The following CNTNAP5 variants were observed in gnomAD, a reference collection of about 807,000 sequenced individuals.
CNTNAP5 encodes contactin associated protein family member 5, also known as contactin-associated protein-like 5.
Under a neutral mutation model 150.2 loss-of-function variants are expected in CNTNAP5, and 72 were observed. That is an observed-to-expected ratio of 0.48 (90% confidence interval 0.40 to 0.58). The LOEUF (loss-of-function observed/expected upper bound fraction) is 0.58. CNTNAP5 is among the 20% of genes least tolerant of loss of function. The pLI is 0.00. For synonymous variants in CNTNAP5, 672 were observed against 619.8 expected (o/e 1.08, Z -1.25); for missense variants, 1,636 against 1,626.2 (o/e 1.01, Z -0.10).
At chr2:124,365,324 GAA>G (rs779922592) in intron 3 of CNTNAP5, among the ~76,000 whole-genome samples, 2 of 123,452 alleles carry the variant, frequency 1.6e-5, no homozygotes, top group African/African-American at 3.1e-5. Context: ...CCAAAAAAAG[GAA>G]AAAAAAAAAA....
intron 17 of CNTNAP5, among the ~76,000 whole-genome samples, chr2:124,782,558 T>C (rs1004572912): frequency 1.3e-5 from 2 of 152,206 alleles, no homozygotes; most frequent in African/African-American, 4.8e-5. Context: ...TTCCAATAAG[T>C]ATCCCAGGAC....
chr2:124,291,746 C>T (rs1031685990), intron 3 of CNTNAP5, among the ~76,000 whole-genome samples: 13 of 151,968 alleles, frequency 8.6e-5, no homozygotes, highest in Admixed American at 7.2e-4. Flanking sequence ...GTATCAGTCT[C>T]GGTCATACAT....
At chr2:124,426,053 A>G (rs1218080315) in intron 4 of CNTNAP5, among the ~76,000 whole-genome samples, 4 of 152,110 alleles carry the variant, frequency 2.6e-5, no homozygotes, top group Non-Finnish European at 5.9e-5. Flanking sequence ...ACAAAACAAA[A>G]CAAAAAAAAA....
chr2:124,772,420 G>T (rs1214078900), intron 16 of CNTNAP5, among the ~76,000 whole-genome samples: 1 of 152,158 alleles, frequency 6.6e-6, no homozygotes, highest in Non-Finnish European at 1.5e-5. Flanking sequence ...CAAGGCCTAA[G>T]TCTCCTCCCT....
At chr2:124,274,129 CTGTTTTTGTTTTGCTT>C (rs571954849) in intron 3 of CNTNAP5, among the ~76,000 whole-genome samples, 124 of 152,218 alleles carry the variant, frequency 8.1e-4, no homozygotes, top group African/African-American at 2.9e-3. Flanking sequence ...AGTTAGCTTG[CTGTTTTTGTTTTGCTT>C]TGTTTTTGTA....
chr2:124,729,120 A>G (rs1223259164), intron 13 of CNTNAP5, among the ~76,000 whole-genome samples: 3 of 152,048 alleles, frequency 2.0e-5, no homozygotes, highest in Non-Finnish European at 4.4e-5. Context: ...TGTCACATCA[A>G]TCCTGATCTA....
chr2:124,384,466 G>C (rs1035227415), intron 3 of CNTNAP5, among the ~76,000 whole-genome samples: 1 of 152,118 alleles, frequency 6.6e-6, no homozygotes, highest in Non-Finnish European at 1.5e-5. Flanking sequence ...GTGTATTTTG[G>C]ACATAAAGAA....
intron 12 of CNTNAP5, among the ~76,000 whole-genome samples, chr2:124,644,819 A>G (rs181694878): frequency 1.6e-3 from 238 of 152,294 alleles, no homozygotes; most frequent in Non-Finnish European, 2.6e-3. Context: ...TCTAGGTTTC[A>G]AGCAATCATT....
chr2:124,410,664 C>T lies in CNTNAP5; in HGVS notation c.382-6779C>T, dbSNP rs145128200. Among the ~76,000 whole-genome samples the T allele has an allele frequency of 5.8e-4, 87 of 148,878 alleles. 1 individual carries two copies. Among genetic ancestry groups the T allele is most frequent in the African/African-American group, 2.0e-3 (81 of 41,182 alleles). ...TAACGAAATGAAGGCAGAAATAAAG[C>T]TGTTCTTTGAAACCAGCGAGAACAA... On this transcript the variant is annotated intron_variant, in intron 3 of 23. Coordinates refer to ENST00000682447, the MANE Select transcript of CNTNAP5 (RefSeq NM_001367498.1).
At chr2:124,906,003 G>A (rs1678528309) in intron 22 of CNTNAP5, among the ~76,000 whole-genome samples, 1 of 152,148 alleles carries the variant, frequency 6.6e-6, no homozygotes, top group Admixed American at 6.5e-5. Flanking sequence ...ATGCTTGCAG[G>A]CCTATTGTTT....
At chr2:124,032,690 A>G (rs942172327) in intron 1 of CNTNAP5, among the ~76,000 whole-genome samples, 8 of 152,164 alleles carry the variant, frequency 5.3e-5, no homozygotes, top group Admixed American at 2.0e-4. Flanking sequence ...TACATTTTAC[A>G]TTTGTAAAAT....
intron 2 of CNTNAP5, among the ~76,000 whole-genome samples, chr2:124,240,065 T>G (rs1323915801): frequency 6.6e-6 from 1 of 152,158 alleles, no homozygotes; most frequent in African/African-American, 2.4e-5. Flanking sequence ...TAATCCTGGG[T>G]GCCAAATTTT....
At position 124,117,293 on chromosome 2, in the gene CNTNAP5, A is replaced by G. The variant is rs936040626; in HGVS notation, c.82+91561A>G. Among the ~76,000 whole-genome samples, 12 of 152,164 alleles carry G rather than the reference A, an allele frequency of 7.9e-5. No individual in the cohort carries two copies. In the South Asian group the frequency reaches 2.5e-3, roughly 32 times the overall value. Reference sequence around the variant, plus strand: ...CTTTTCCATTTGATATTATTCTATCACTGTCTGACATATTATATATCTTAC... The same window carrying G: ...CTTTTCCATTTGATATTATTCTATCGCTGTCTGACATATTATATATCTTAC... On this transcript the variant is annotated intron_variant, in intron 1 of 23. Transcript: ENST00000682447.
At position 124,491,845 on chromosome 2, in the gene CNTNAP5, A is replaced by G. The variant is rs543810505; in HGVS notation, c.1063-12447A>G. Among the ~76,000 whole-genome samples, 124 of 151,644 alleles carry G rather than the reference A, an allele frequency of 8.2e-4. No homozygotes were observed. The Middle Eastern group carries it at 0.01, about 12-fold the overall frequency. Reference sequence around the variant, plus strand: ...AACTTGCATTGTGGTTTGGATTTGCATTTCCCTAAACGATTAACAATATGA... The same window carrying G: ...AACTTGCATTGTGGTTTGGATTTGCGTTTCCCTAAACGATTAACAATATGA... On this transcript the variant is annotated intron_variant, in intron 7 of 23. Transcript: ENST00000682447.
chr2:124,903,275 T>C (rs1470914800), intron 22 of CNTNAP5, among the ~76,000 whole-genome samples, 175 bp downstream of exon 22: 1 of 152,210 alleles, frequency 6.6e-6, no homozygotes, highest in Admixed American at 6.5e-5. Flanking sequence ...ATATTTGATG[T>C]AGTTTTATTT....
intron 4 of CNTNAP5, among the ~76,000 whole-genome samples, chr2:124,430,798 G>A (rs751577832): frequency 6.6e-6 from 1 of 152,144 alleles, no homozygotes; most frequent in Non-Finnish European, 1.5e-5. Flanking sequence ...GAAGGCTACC[G>A]AATCCCAAAC....
chr2:124,287,949 A>G (rs1046574234), intron 3 of CNTNAP5, among the ~76,000 whole-genome samples: 2 of 152,188 alleles, frequency 1.3e-5, no homozygotes, highest in Non-Finnish European at 2.9e-5. Context: ...TATTTGAGAC[A>G]GGGCCTTGCT....
At chr2:124,189,036 A>G (rs1261320820) in intron 1 of CNTNAP5, among the ~76,000 whole-genome samples, 1 of 152,174 alleles carries the variant, frequency 6.6e-6, no homozygotes, top group Non-Finnish European at 1.5e-5. Context: ...TGCCAAACAG[A>G]CTGAAATAAA....
intron 12 of CNTNAP5, among the ~76,000 whole-genome samples, chr2:124,629,842 G>A (rs1573508776): frequency 8.6e-6 from 1 of 116,882 alleles, no homozygotes; most frequent in South Asian, 3.0e-4. Flanking sequence ...GAAGAGAGAA[G>A]ATTCAAATAA....
Sources: allele counts gnomAD v4.1 joint callset (sites outside exome capture counted in the v4.1 genomes callset), GRCh38; gene constraint gnomAD v4.1.1; transcripts MANE v1.5; gene names NCBI Gene and HGNC (gene_info 2026-07-23, HGNC 2026-07-21).